RRM2: variants seen among roughly 807,000 people sequenced by gnomAD.
RRM2 encodes ribonucleoside-diphosphate reductase subunit M2.
Under a neutral mutation model 45.9 loss-of-function variants are expected in RRM2, and 6 were observed. The ratio of observed to expected loss-of-function variants is 0.13; its 90% CI spans 0.07 to 0.26. RRM2 has a LOEUF of 0.26. Ranked by LOEUF, RRM2 falls within the 10% of genes least tolerant of loss-of-function variation. The pLI is 1.00. For missense variants in RRM2, 343 were observed against 489.5 expected (o/e 0.70, Z 2.82); for synonymous variants, 177 against 173.0 (o/e 1.02, Z -0.18).
rs6730366 is a variant in RRM2 at position 10,166,360 on chromosome 2, C to T, written n.482+23985C>T. 2.3e-3 allele frequency among the ~76,000 whole-genome samples: 349 copies of T among 152,328 alleles called. 3 individuals carry two copies. Among genetic ancestry groups the T allele is most frequent in the African/African-American group, 8.0e-3 (333 of 41,586 alleles). On this transcript the variant is annotated intron_variant and non_coding_transcript_variant, in intron 3 of 3. Coordinates refer to the RRM2 transcript ENST00000381786. ...GGCCCTGCTGTCCACCAGCCCTGCT[C>T]GCACCCCAGGTTCCTGGTGGCCGAT...
intron 3 of RRM2, among the ~76,000 whole-genome samples, chr2:10,199,585 T>G (rs1006589734): frequency 4.0e-5 from 6 of 151,844 alleles, no homozygotes; most frequent in East Asian, 2.0e-4. Flanking sequence ...ATCAAGACCA[T>G]CCTGGCTAAC....
chr2:10,164,381 C>T (rs992640068), intron 3 of RRM2, among the ~76,000 whole-genome samples: 8 of 152,176 alleles, frequency 5.3e-5, no homozygotes, highest in Non-Finnish European at 1.0e-4. Flanking sequence ...GCTTAATACA[C>T]TTGGAAGCCT....
Position 10,178,548 on chromosome 2 carries a change from A to G in RRM2, n.483-31763A>G, listed in dbSNP as rs114883964. Among the ~76,000 whole-genome samples, 796 of 152,246 alleles carry G rather than the reference A, an allele frequency of 5.2e-3. 9 individuals are homozygous for G. Among genetic ancestry groups the G allele is most frequent in the African/African-American group, 0.018 (750 of 41,560 alleles). On this transcript the variant is annotated intron_variant and non_coding_transcript_variant, in intron 3 of 3. Transcript: ENST00000381786. ...ACCCCTCCTGTTTGTTTCTAACACA[A>G]TCATCTACCCCCAGCCTCTGGCAAC...
At chr2:10,147,637 G>A (rs937888284) in intron 3 of RRM2, among the ~76,000 whole-genome samples, 27 of 152,202 alleles carry the variant, frequency 1.8e-4, no homozygotes, top group Non-Finnish European at 4.4e-5. Flanking sequence ...GAGACTACAG[G>A]TGTGAGCCTT....
chr2:10,140,181 A>G (rs1397119813), upstream of RRM2, among the ~76,000 whole-genome samples: 1 of 152,130 alleles, frequency 6.6e-6, no homozygotes, highest in Non-Finnish European at 1.5e-5. Flanking sequence ...CGGGAGGCGG[A>G]GGTTGCAGTG....
intron 3 of RRM2, among the ~76,000 whole-genome samples, chr2:10,156,565 G>T (rs1245844990): frequency 6.6e-6 from 1 of 152,206 alleles, no homozygotes; most frequent in African/African-American, 2.4e-5. Flanking sequence ...GAGAACAGAG[G>T]TGCAAAAGCT....
chr2:10,169,737 TG>T lies in RRM2; in HGVS notation n.482+27364del, dbSNP rs1239992828. ...ATGAGTGTCTCTGAGTTTGGAGAGC[TG>T]GCCTCCGCACTGGGCTTCCTGAGGA... On this transcript the variant is annotated intron_variant and non_coding_transcript_variant, in intron 3 of 3. Coordinates refer to the RRM2 transcript ENST00000381786. The surrounding 1 kb of genome is among the most constrained non-coding windows in gnomAD (Gnocchi z 5.1). Among the ~76,000 whole-genome samples the T allele has an allele frequency of 6.6e-6, 1 of 152,162 alleles. No homozygotes were observed. Among genetic ancestry groups the T allele is most frequent in the African/African-American group, 2.4e-5 (1 of 41,434 alleles).
At chr2:10,141,535 G>A in exon 1 of RRM2, 1 of 378,432 alleles carries the variant, frequency 2.6e-6, no homozygotes, top group South Asian at 2.7e-5. Context: ...ACATGGTGGT[G>A]GACAGTGGCT....
chr2:10,155,520 G>C (rs952395906), intron 3 of RRM2: 3 of 152,136 alleles, frequency 2.0e-5, no homozygotes, highest in Non-Finnish European at 4.4e-5. Context: ...CCCTGGTTTC[G>C]TTACTATGAA....
At chr2:10,183,794 C>CAAA (rs529549163) in intron 3 of RRM2, among the ~76,000 whole-genome samples, 1 of 114,504 alleles carries the variant, frequency 8.7e-6, no homozygotes, top group Admixed American at 8.9e-5. Context: ...GACTCTGTTT[C>CAAA]AAAAAAAAAA....
intron 3 of RRM2, among the ~76,000 whole-genome samples, chr2:10,166,169 G>T (rs933100470): frequency 2.0e-5 from 3 of 152,198 alleles, no homozygotes; most frequent in African/African-American, 7.2e-5. Context: ...AAGACGACAG[G>T]CCCCATTTCC....
In RRM2 at chr2:10,195,258, CCT is replaced by C. The variant is rs1280614360; in HGVS notation, n.483-15048_483-15047del. ...AATGGGAAGAGAGGCAGTGAGGCAG[CCT>C]CTCTGCAGAGGAGGGGCTTCACAGA... On this transcript the variant is annotated intron_variant and non_coding_transcript_variant, in intron 3 of 3. Transcript: ENST00000381786. This position sits in a 1 kb window ranked among gnomAD's most constrained non-coding sequence, Gnocchi z 4.9. Among the ~76,000 whole-genome samples the C allele has an allele frequency of 6.6e-6, 1 of 152,142 alleles. No homozygotes were observed. Among genetic ancestry groups the C allele is most frequent in the Non-Finnish European group, 1.5e-5 (1 of 68,024 alleles).
intron 2 of RRM2, 106 bp downstream of exon 2, chr2:10,123,163 C>T (rs1558378945): frequency 7.3e-7 from 1 of 1,373,666 alleles, no homozygotes; most frequent in East Asian, 2.5e-5. Context: ...CGGCTCCTTT[C>T]CCGCCTAGGC....
chr2:10,173,719 A>G (rs188417915), intron 3 of RRM2, among the ~76,000 whole-genome samples: 140 of 152,388 alleles, frequency 9.2e-4, no homozygotes, highest in Middle Eastern at 6.8e-3. Flanking sequence ...CCACAAGGCC[A>G]GAAGACCTGC....
chr2:10,155,789 A>G (rs897570951), intron 3 of RRM2: 2 of 152,266 alleles, frequency 1.3e-5, no homozygotes, highest in African/African-American at 4.8e-5. Flanking sequence ...GAGTTCGCCC[A>G]GAGCTGCGTC....
chr2:10,122,777 T>C lies in RRM2; in HGVS notation c.-22T>C, dbSNP rs772043963. 1 of 1,570,168 alleles carries C rather than the reference T, an allele frequency of 6.4e-7. No individual in the cohort carries two copies. The highest frequency in any genetic ancestry group is 8.6e-7 in the Non-Finnish European group (1 of 1,158,448). ...CAGCCGTCCTGTCCTGGCTGCTCGC[T>C]CTGCTTCGCTGCGCCTCCACTATGC... On this transcript the variant is annotated 5_prime_UTR_variant, in exon 1 of 10. Transcript: ENST00000304567.
intron 3 of RRM2, among the ~76,000 whole-genome samples, chr2:10,161,212 C>A (rs1663548937): frequency 1.3e-5 from 2 of 152,186 alleles, no homozygotes; most frequent in African/African-American, 2.4e-5. Flanking sequence ...CATGCACCAC[C>A]ATGCCTGACT....
upstream of RRM2, among the ~76,000 whole-genome samples, chr2:10,137,648 A>G (rs375127668): frequency 5.9e-5 from 9 of 152,230 alleles, no homozygotes; most frequent in Non-Finnish European, 1.0e-4. Context: ...ACATGCCCAA[A>G]TGGAGCCTCA....
intron 5 of RRM2, among the ~76,000 whole-genome samples, chr2:10,126,145 T>G (rs1572488005): frequency 1.7e-5 from 2 of 118,286 alleles, no homozygotes; most frequent in Non-Finnish European, 3.2e-5. Context: ...GGCAACAGAG[T>G]GAGACCCTCA....
Sources: gnomAD v4.1 joint callset for allele counts (sites outside exome capture counted in the v4.1 genomes callset) on GRCh38, gnomAD v4.1.1 for gene constraint, Gnocchi (gnomAD v3.1) non-coding constraint, MANE v1.5 for transcripts, NCBI Gene and HGNC (gene_info 2026-07-23, HGNC 2026-07-21) for gene names.